Variants in CACNB4 observed in about 807,000 individuals in gnomAD.
CACNB4 encodes the protein voltage-dependent L-type calcium channel subunit beta-4.
Under a neutral mutation model 71.2 loss-of-function variants are expected in CACNB4, and 32 were observed. That is an observed-to-expected ratio of 0.45 (90% CI 0.34 to 0.60). The LOEUF is 0.60. CACNB4 is among the 20% of genes least tolerant of loss of function. The pLI, the probability that CACNB4 is intolerant of heterozygous loss-of-function variation, is 0.01. For synonymous variants in CACNB4, 231 were observed against 236.9 expected (o/e 0.97, Z 0.23); for missense variants, 464 against 647.9 (o/e 0.72, Z 3.08).
intron 2 of CACNB4, among the ~76,000 whole-genome samples, chr2:152,065,837 G>C (rs776652308): frequency 6.6e-6 from 1 of 152,120 alleles, no homozygotes; most frequent in African/African-American, 2.4e-5. Context: ...CAATTCCTGG[G>C]CTTAAACGAT....
intron 11 of CACNB4, 171 bp downstream of exon 11, chr2:151,855,053 A>G (rs1052314291): frequency 4.5e-6 from 2 of 444,792 alleles, no homozygotes; most frequent in Non-Finnish European, 8.0e-6. Flanking sequence ...GAACTATTAT[A>G]TTCTTCACTA....
At chr2:152,086,020 G>A (rs1190430621) in intron 2 of CACNB4, among the ~76,000 whole-genome samples, 1 of 151,864 alleles carries the variant, frequency 6.6e-6, no homozygotes, top group East Asian at 1.9e-4. Flanking sequence ...TACTAAAGAG[G>A]GGAAATAAAT....
chr2:151,897,815 A>G (rs1358756571), intron 2 of CACNB4, among the ~76,000 whole-genome samples: 3 of 152,178 alleles, frequency 2.0e-5, no homozygotes, highest in Non-Finnish European at 4.4e-5. Context: ...AACCTAACTC[A>G]TGGAGCTGCC....
intron 2 of CACNB4, among the ~76,000 whole-genome samples, chr2:152,071,126 G>A (rs371410464): frequency 6.6e-6 from 1 of 152,150 alleles, no homozygotes; most frequent in East Asian, 1.9e-4. Context: ...GCTGGATGAA[G>A]AAACAAGTAA....
At chr2:151,861,854 A>AAAAAAAAAAAAAAAAAC (rs1559883066) in intron 9 of CACNB4, 7 of 150,192 alleles carry the variant, frequency 4.7e-5, no homozygotes, top group African/African-American at 1.5e-4. Context: ...AAAAAAAAAA[A>AAAAAAAAAAAAAAAAAC]AAAACTGAAG....
At chr2:152,049,540 A>G (rs796626532) in intron 2 of CACNB4, among the ~76,000 whole-genome samples, 7 of 152,096 alleles carry the variant, frequency 4.6e-5, no homozygotes, top group African/African-American at 1.7e-4. Flanking sequence ...CATTATAATG[A>G]TTATTTTTCT....
chr2:151,934,954 C>T (rs1157023331), intron 2 of CACNB4, among the ~76,000 whole-genome samples: 1 of 152,228 alleles, frequency 6.6e-6, no homozygotes, highest in Non-Finnish European at 1.5e-5. Context: ...CACACATCCA[C>T]TATGAATATG....
At chr2:151,930,940 A>T (rs2099861491) in intron 2 of CACNB4, among the ~76,000 whole-genome samples, 1 of 152,200 alleles carries the variant, frequency 6.6e-6, no homozygotes, top group African/African-American at 2.4e-5. Context: ...TCAACTACTT[A>T]TGGGAATTAG....
chr2:152,078,900 T>C lies in CACNB4; in HGVS notation c.147+19430A>G, dbSNP rs76173637. ...GTTTCAGTATTACAGCAGCTTAGCATAGACCCAGGCAGAGTTTCACAAGCC... is the reference window on the plus strand; with the variant it reads ...GTTTCAGTATTACAGCAGCTTAGCACAGACCCAGGCAGAGTTTCACAAGCC... On this transcript the variant is annotated intron_variant, in intron 2 of 13. Transcript: ENST00000539935. Among the ~76,000 whole-genome samples, 18 of 152,282 alleles carry C rather than the reference T, an allele frequency of 1.2e-4. No homozygotes were observed. The East Asian group carries it at 3.5e-3, about 29-fold the overall frequency.
At chr2:151,979,457 G>GT (rs2099874347) in intron 2 of CACNB4, among the ~76,000 whole-genome samples, 1 of 142,208 alleles carries the variant, frequency 7.0e-6, no homozygotes, top group Admixed American at 7.1e-5. Context: ...TAAAATTTCA[G>GT]TTAAAAAAAA....
rs58646253 is a variant in CACNB4, at chr2:151,928,917, GA to G, written c.148-45548del. ...ACAGAGTGAGACCCTGTCTCAAAAA[GA>G]AAAAAAAAAAAAACATAATGCAAAT... On this transcript the variant is annotated intron_variant, in intron 2 of 13. Coordinates refer to ENST00000539935, the MANE Select transcript of CACNB4 (RefSeq NM_000726.5). 4.1e-3 allele frequency among the ~76,000 whole-genome samples: 567 copies of G among 136,720 alleles called. 3 individuals carry two copies. The highest frequency in any genetic ancestry group is 6.9e-3 in the Non-Finnish European group (421 of 60,976). The allele number at this position is 136,720 out of a possible 152,430, so 89.7% of individuals were successfully genotyped here.
At chr2:151,873,458 G>C (rs2099845134) in intron 5 of CACNB4, 1 of 152,188 alleles carries the variant, frequency 6.6e-6, no homozygotes, top group Non-Finnish European at 1.5e-5. Flanking sequence ...CTGGATTTCA[G>C]CTTTTCAGAT....
chr2:151,952,455 TTCTC>T (rs1460074941), intron 2 of CACNB4, among the ~76,000 whole-genome samples: 1 of 152,222 alleles, frequency 6.6e-6, no homozygotes, highest in East Asian at 1.9e-4. Context: ...GGTCTCCTCT[TTCTC>T]TGTCGCTTTA....
Position 151,839,578 on chromosome 2 carries a change from T to C in CACNB4, c.1303-199A>G, listed in dbSNP as rs568737307. On this transcript the variant is annotated intron_variant, in intron 13 of 13. Transcript: ENST00000539935. Reference sequence around the variant, plus strand: ...ACAACATGAAAAGATGCCAGAGTGTTGATAGTTTATGAGTTTAATTCCACA... The same window carrying C: ...ACAACATGAAAAGATGCCAGAGTGTCGATAGTTTATGAGTTTAATTCCACA... 3.3e-5 allele frequency among the ~76,000 whole-genome samples: 5 copies of C among 152,360 alleles called. No homozygotes were observed. The East Asian group carries it at 9.6e-4, about 29-fold the overall frequency.
At chr2:151,869,287 AGAG>A in intron 8 of CACNB4, 52 bp from the exon 9 acceptor site, 1 of 1,096,950 alleles carries the variant, frequency 9.1e-7, no homozygotes, top group Non-Finnish European at 1.4e-6. Context: ...AGAGAGAGAG[AGAG>A]AAGTCAAAAG....
chr2:151,907,013 C>A (rs2099854997), intron 2 of CACNB4, among the ~76,000 whole-genome samples: 1 of 152,146 alleles, frequency 6.6e-6, no homozygotes, highest in Non-Finnish European at 1.5e-5. Flanking sequence ...TATGTTTATT[C>A]CCCACTAGCT....
Position 151,940,405 on chromosome 2 carries a change from A to G in CACNB4, c.148-57035T>C, listed in dbSNP as rs992782904. On this transcript the variant is annotated intron_variant, in intron 2 of 13. Transcript: ENST00000539935. ...ACATGAGCAAAGGTAAAAAGGCAGGAAAGGGTTAAGTGTTGAGGAAATAGA... is the reference window on the plus strand; with the variant it reads ...ACATGAGCAAAGGTAAAAAGGCAGGGAAGGGTTAAGTGTTGAGGAAATAGA... Among the ~76,000 whole-genome samples the G allele has an allele frequency of 5.3e-5, 8 of 152,216 alleles. No homozygotes were observed. The South Asian group carries it at 6.2e-4, about 12-fold the overall frequency.
intron 2 of CACNB4, among the ~76,000 whole-genome samples, chr2:151,924,424 T>A (rs1446053262): frequency 6.6e-6 from 1 of 151,256 alleles, no homozygotes; most frequent in Non-Finnish European, 1.5e-5. Flanking sequence ...CTATACAATA[T>A]AATTTATATT....
chr2:151,856,265 C>T (rs1246646251), intron 10 of CACNB4, among the ~76,000 whole-genome samples: 1 of 151,394 alleles, frequency 6.6e-6, no homozygotes, highest in East Asian at 1.9e-4. Flanking sequence ...TTGGATCATG[C>T]CCAAAGTCTG....
Sources: allele counts gnomAD v4.1 joint callset (sites outside exome capture counted in the v4.1 genomes callset), GRCh38; gene constraint gnomAD v4.1.1; transcripts MANE v1.5; gene names NCBI Gene and HGNC (gene_info 2026-07-23, HGNC 2026-07-21).